Variants in LRRIQ1 observed in about 807,000 individuals in gnomAD.
LRRIQ1 encodes the protein leucine rich repeats and IQ motif containing 1.
A neutral mutation model predicts 211.9 loss-of-function variants in LRRIQ1; 210 were observed. The ratio of observed to expected loss-of-function variants is 0.99; its 90% confidence interval spans 0.89 to 1.11. The LOEUF (loss-of-function observed/expected upper bound fraction) is 1.11. LRRIQ1 is among the 50% of genes most tolerant of loss of function. The probability of loss-of-function intolerance (pLI) is 0.00; values close to 1 mark genes in which losing one functional copy is unlikely to be tolerated. For synonymous variants in LRRIQ1, 699 were observed against 650.1 expected (o/e 1.08, Z -1.14); for missense variants, 2,136 against 1,939.5 (o/e 1.10, Z -1.90).
intron 11 of LRRIQ1, among the ~76,000 whole-genome samples, chr12:85,074,248 T>C (rs1229854114): frequency 6.6e-6 from 1 of 152,036 alleles, no homozygotes; most frequent in Non-Finnish European, 1.5e-5. Flanking sequence ...AACTATGCAA[T>C]TGTAAAAACA....
intron 16 of LRRIQ1, 69 bp downstream of exon 16, chr12:85,121,945 T>A: frequency 7.9e-7 from 1 of 1,270,852 alleles, no homozygotes; most frequent in Non-Finnish European, 1.0e-6. Context: ...GATTTTAAAG[T>A]ATTCTGATTA....
At chr12:85,137,061 T>G (rs73381620) in intron 18 of LRRIQ1, among the ~76,000 whole-genome samples, 8,640 of 151,550 alleles carry the variant, frequency 0.057, 835 homozygotes, top group African/African-American at 0.2. Flanking sequence ...ATTTTTAAAA[T>G]TAATTTTATA....
At chr12:85,095,704 A>G (rs536352063) in intron 11 of LRRIQ1, among the ~76,000 whole-genome samples, 5 of 152,312 alleles carry the variant, frequency 3.3e-5, no homozygotes, top group African/African-American at 1.2e-4. Flanking sequence ...GAATAGCTTA[A>G]GTAGATCTGG....
At chr12:85,116,138 GTTGTTTGT>G (rs922372016) in intron 15 of LRRIQ1, among the ~76,000 whole-genome samples, 5 of 151,976 alleles carry the variant, frequency 3.3e-5, no homozygotes, top group Non-Finnish European at 5.9e-5. Context: ...TTTTTTTGTT[GTTGTTTGT>G]TTGTTTGTTT....
chr12:85,220,623 TTTTA>T (rs139554338), intron 24 of LRRIQ1, among the ~76,000 whole-genome samples: 4,708 of 150,738 alleles, frequency 0.031, 237 homozygotes, highest in African/African-American at 0.11. Flanking sequence ...TGTGTTTTAT[TTTTA>T]TTTATTTATT....
At chr12:85,187,337 A>G (rs1426382385) in intron 24 of LRRIQ1, among the ~76,000 whole-genome samples, 1 of 152,146 alleles carries the variant, frequency 6.6e-6, no homozygotes, top group Non-Finnish European at 1.5e-5. Flanking sequence ...TTAAATTATA[A>G]ATGGGCAGTA....
intron 24 of LRRIQ1, among the ~76,000 whole-genome samples, chr12:85,214,261 C>T (rs1567170): frequency 0.02 from 2,990 of 152,002 alleles, 98 homozygotes; most frequent in African/African-American, 0.069. Flanking sequence ...AATTGGAAGA[C>T]TAAATATTAA....
chr12:85,254,237 A>C (rs1896026220), intron 1 of LRRIQ1, among the ~76,000 whole-genome samples: 1 of 152,036 alleles, frequency 6.6e-6, no homozygotes, highest in African/African-American at 2.4e-5. Flanking sequence ...CAGAACCACG[A>C]GCCAATTAAA....
Position 85,106,727 on chromosome 12 carries a change from T to G in LRRIQ1, c.3377+112T>G, listed in dbSNP as rs535106235. 1.1e-5 allele frequency: 8 copies of G among 720,452 alleles called. No individual in the cohort carries two copies. In the African/African-American group the frequency reaches 1.5e-4, roughly 13 times the overall value. 44.6% of individuals were successfully genotyped at this position (720,452 alleles called of 1,614,324 possible). On this transcript the variant is annotated intron_variant, in intron 15 of 26. Transcript: ENST00000393217. ...TACCTAGGATAAGTTAATTAAAAAA[T>G]TAAAAGTCATTTTAAACCAAAAAAG...
chr12:85,155,953 AG>A (rs1164776538), intron 23 of LRRIQ1, among the ~76,000 whole-genome samples: 1 of 151,704 alleles, frequency 6.6e-6, no homozygotes, highest in Non-Finnish European at 1.5e-5. Context: ...GATAATTATC[AG>A]GCAAAAATTA....
chr12:85,147,300 A>G (rs1169625138), intron 19 of LRRIQ1, among the ~76,000 whole-genome samples: 2 of 151,824 alleles, frequency 1.3e-5, no homozygotes, highest in Non-Finnish European at 1.5e-5. Flanking sequence ...TCACTATAAG[A>G]CAAATGAGAA....
intron 24 of LRRIQ1, among the ~76,000 whole-genome samples, chr12:85,174,770 G>C (rs578075008): frequency 1.5e-5 from 2 of 136,052 alleles, no homozygotes; most frequent in South Asian, 4.5e-4. Flanking sequence ...ACAACAAACA[G>C]ATGGAAGAAA....
In LRRIQ1 at chr12:85,045,832, A is replaced by G. The variant is rs191277606; in HGVS notation, c.337-188A>G. Among the ~76,000 whole-genome samples the G allele has an allele frequency of 6.5e-3, 984 of 152,202 alleles. 7 individuals are homozygous for G. The highest frequency in any genetic ancestry group is 0.01 in the Middle Eastern group (3 of 294). On this transcript the variant is annotated intron_variant, in intron 4 of 26. Transcript: ENST00000393217. ...CATAAGGAGGGTTACTAATGCTTGC[A>G]TGGGAAAATTTTTTATTCATTGTAA...
At chr12:85,218,710 A>C (rs190183758) in intron 24 of LRRIQ1, among the ~76,000 whole-genome samples, 300 of 152,210 alleles carry the variant, frequency 2.0e-3, no homozygotes, top group Non-Finnish European at 3.2e-3. Context: ...AGGTAGTGTG[A>C]CAGCCTCATG....
At chr12:85,165,179 G>A (rs2136763175) in intron 24 of LRRIQ1, among the ~76,000 whole-genome samples, 1 of 152,124 alleles carries the variant, frequency 6.6e-6, no homozygotes, top group South Asian at 2.1e-4. Context: ...GGTAACATGG[G>A]CAGTTTTGTT....
chr12:85,060,309 C>T (rs1881637441), intron 8 of LRRIQ1, among the ~76,000 whole-genome samples: 1 of 151,862 alleles, frequency 6.6e-6, no homozygotes, highest in Admixed American at 6.6e-5. Flanking sequence ...GCAGTAATAT[C>T]TCAAAAGAGA....
Position 85,098,280 on chromosome 12 carries a change from A to G in LRRIQ1, c.2888-75A>G, listed in dbSNP as rs1240957072. Reference sequence around the variant, plus strand: ...GAAATACAAAGGTGCAATTATTTAGAAAAAAAATGGAAACTTTCTTCTAGA... The same window carrying G: ...GAAATACAAAGGTGCAATTATTTAGGAAAAAAATGGAAACTTTCTTCTAGA... On this transcript the variant is annotated intron_variant, in intron 11 of 26. Coordinates refer to ENST00000393217, the MANE Select transcript of LRRIQ1 (RefSeq NM_001079910.2). The G allele has an allele frequency of 7.2e-6, 7 of 972,192 alleles. No homozygotes were observed. In the East Asian group the frequency reaches 8.1e-5, roughly 11 times the overall value. The allele number at this position is 972,192 out of a possible 1,614,324, so 60.2% of individuals were successfully genotyped here.
intron 3 of LRRIQ1, among the ~76,000 whole-genome samples, chr12:85,042,440 T>A (rs1879001362): frequency 6.7e-6 from 1 of 148,288 alleles, no homozygotes; most frequent in South Asian, 2.1e-4. Context: ...AAAATTATTT[T>A]AATTTATTAA....
At chr12:85,055,406 T>C (rs1295102247) in intron 7 of LRRIQ1, 141 bp from the exon 8 acceptor site, 40 of 618,846 alleles carry the variant, frequency 6.5e-5, no homozygotes, top group Non-Finnish European at 8.7e-5. Flanking sequence ...TAAATGACTT[T>C]AGTTTCTCTA....
Sources: allele counts gnomAD v4.1 joint callset (sites outside exome capture counted in the v4.1 genomes callset), GRCh38; gene constraint gnomAD v4.1.1; transcripts MANE v1.5; gene names NCBI Gene and HGNC (gene_info 2026-07-23, HGNC 2026-07-21).